The following RUFY1 variants were observed in gnomAD, a reference collection of about 807,000 sequenced individuals.
RUFY1 encodes the protein RUN and FYVE domain containing 1, also known as RUN and FYVE domain-containing protein 1.
RUFY1 carries 54 observed loss-of-function variants against 94.6 expected under a neutral mutation model. That is an observed-to-expected ratio of 0.57 (90% CI 0.46 to 0.72). The LOEUF is 0.72. RUFY1 is among the 30% of genes least tolerant of loss of function. RUFY1 has a pLI of 0.00. For synonymous variants in RUFY1, 396 were observed against 347.3 expected (o/e 1.14, Z -1.56); for missense variants, 883 against 883.9 (o/e 1.00, Z 0.01).
intron 13 of RUFY1, chr5:179,598,438 A>C (rs1765912755): frequency 2.0e-6 from 1 of 510,634 alleles, no homozygotes; most frequent in Non-Finnish European, 3.5e-6. Flanking sequence ...TATGTGGTCT[A>C]AGTGTTCTAG....
chr5:179,594,304 GAA>G (rs34687575), intron 11 of RUFY1, among the ~76,000 whole-genome samples: 33 of 142,806 alleles, frequency 2.3e-4, no homozygotes, highest in Admixed American at 4.2e-4. Context: ...CAACTCGGGG[GAA>G]AAAAAAAAAA....
Position 179,607,636 on chromosome 5 carries a change from G to A in RUFY1, c.1960G>A (p.Glu654Lys). The A allele has an allele frequency of 1.2e-6, 2 of 1,614,186 alleles. No homozygotes were observed. The highest frequency in any genetic ancestry group is 1.7e-6 in the Non-Finnish European group (2 of 1,180,006). ...GACACACTGTAGGCAGTGTGAGAAG[G>A]AGTTCTCCATTTCCCGGAGAAAGGT... ...EATHCRQCEK[E>K]FSISRRKHHC... is the part of the protein sequence containing the mutation. Residue 654 changes from glutamate (E) to lysine (K), a missense_variant, in exon 17 of 18, where the codon GAG becomes AAG. Transcript: ENST00000319449.
At chr5:179,556,527 G>A (rs35287854) in intron 1 of RUFY1, among the ~76,000 whole-genome samples, 13,922 of 151,214 alleles carry the variant, frequency 0.092, 825 homozygotes, top group Middle Eastern at 0.14. Context: ...TTTGAGAAGG[G>A]TCTCACTCTG....
chr5:179,607,421 A>T, intron 16 of RUFY1, 161 bp from the exon 17 acceptor site: 1 of 652,520 alleles, frequency 1.5e-6, no homozygotes, highest in Non-Finnish European at 2.7e-6. Flanking sequence ...ACGGGGAAAG[A>T]GCCCCTTGAT....
chr5:179,561,221 A>T (rs201380684), intron 2 of RUFY1, among the ~76,000 whole-genome samples: 28,766 of 143,452 alleles, frequency 0.2, 2,989 homozygotes, highest in South Asian at 0.34. Context: ...AAAAATAAAT[A>T]AATAAATAAA....
chr5:179,579,657 C>CTGTTTTTTTTTTTTTTTTT (rs1763939397), intron 6 of RUFY1, among the ~76,000 whole-genome samples: 1 of 50,548 alleles, frequency 2.0e-5, no homozygotes, highest in Admixed American at 3.8e-4. Flanking sequence ...TTTTCTTCTT[C>CTGTTTTTTTTTTTTTTTTT]TTTTTTTTTT....
intron 2 of RUFY1, among the ~76,000 whole-genome samples, chr5:179,561,282 C>T (rs1312616106): frequency 6.6e-6 from 1 of 151,896 alleles, no homozygotes; most frequent in African/African-American, 2.4e-5. Flanking sequence ...GACCAACCTT[C>T]CTCAGCTTGA....
At chr5:179,561,507 G>T (rs1762448561) in intron 2 of RUFY1, among the ~76,000 whole-genome samples, 1 of 151,592 alleles carries the variant, frequency 6.6e-6, no homozygotes, top group African/African-American at 2.4e-5. Context: ...AGAACAGATT[G>T]TAATGGTGGG....
Position 179,569,333 on chromosome 5 carries a change from G to C in RUFY1, c.736G>C (p.Glu246Gln). 3 of 1,613,842 alleles carry C rather than the reference G, an allele frequency of 1.9e-6. No homozygotes were observed. The highest frequency in any genetic ancestry group is 2.5e-6 in the Non-Finnish European group (3 of 1,180,018). ...CTATGAGCCTGAGGCTTTAATGATG[G>C]AGGAAGAAGGGATGGTGATTGTTGG... Reference protein sequence around the residue: ...EFYEPEALMMEEEGMVIVGLL... With the variant: ...EFYEPEALMMQEEGMVIVGLL... Residue 246 changes from glutamate (E) to glutamine (Q), a missense_variant, in exon 5 of 18, where the codon GAG becomes CAG. Transcript: ENST00000319449.
chr5:179,560,062 G>A lies in RUFY1; in HGVS notation c.348G>A (p.Leu116=), dbSNP rs1246859279. 3 of 1,613,926 alleles carry A rather than the reference G, an allele frequency of 1.9e-6. No homozygotes were observed. In the African/African-American group the frequency reaches 4.0e-5, roughly 22 times the overall value. ...AGATGATGGAGGAGCGTGCCAACCT[G>A]ATGCACATGATGAAACTCAGCATCA... The part of the protein sequence containing the change: ...KCQMMEERAN[L]MHMMKLSIKV... The change falls in exon 2 of 18, where the codon CTG becomes CTA. Residue 116 remains leucine, a synonymous_variant. Transcript: ENST00000319449.
chr5:179,559,588 G>A, intron 1 of RUFY1: 2 of 878,608 alleles, frequency 2.3e-6, no homozygotes, highest in African/African-American at 3.6e-5. Flanking sequence ...GAGGCCTTGA[G>A]CTGGACTCGC....
chr5:179,559,455 C>T (rs1762273430), intron 1 of RUFY1, among the ~76,000 whole-genome samples: 1 of 152,224 alleles, frequency 6.6e-6, no homozygotes, highest in African/African-American at 2.4e-5. Flanking sequence ...AGATGCTTCC[C>T]TGCAGGCACC....
At chr5:179,570,019 C>T (rs376721579) in intron 5 of RUFY1, among the ~76,000 whole-genome samples, 3 of 151,864 alleles carry the variant, frequency 2.0e-5, no homozygotes, top group African/African-American at 7.2e-5. Context: ...GCTGGGATTA[C>T]AGGCGTGAGC....
intron 7 of RUFY1, among the ~76,000 whole-genome samples, chr5:179,585,450 G>A (rs894378507): frequency 1.3e-5 from 2 of 152,116 alleles, no homozygotes; most frequent in African/African-American, 2.4e-5. Context: ...GCAGTGGCAC[G>A]CACCTGTAGT....
chr5:179,573,666 G>A (rs1763392504), intron 5 of RUFY1, among the ~76,000 whole-genome samples: 1 of 152,090 alleles, frequency 6.6e-6, no homozygotes, highest in Non-Finnish European at 1.5e-5. Flanking sequence ...GGGATTGCAG[G>A]TGCCTGCCAC....
chr5:179,570,293 A>T (rs962317561), intron 5 of RUFY1, among the ~76,000 whole-genome samples: 14 of 152,216 alleles, frequency 9.2e-5, no homozygotes, highest in Admixed American at 9.2e-4. Flanking sequence ...TCTAGCAGCC[A>T]TTCAGGTTAT....
At chr5:179,607,805 C>T in intron 17 of RUFY1, 146 bp downstream of exon 17, 1 of 698,710 alleles carries the variant, frequency 1.4e-6, no homozygotes, top group South Asian at 1.8e-5. Context: ...CCCGCCTCTC[C>T]TGTTTGCCTG....
intron 1 of RUFY1, among the ~76,000 whole-genome samples, chr5:179,559,274 C>G (rs1253687390): frequency 2.6e-5 from 4 of 152,210 alleles, no homozygotes; most frequent in African/African-American, 9.7e-5. Context: ...GTCTTTATTA[C>G]ACCCTCAAGG....
At chr5:179,563,217 CA>C (rs1762576823) in intron 3 of RUFY1, among the ~76,000 whole-genome samples, 6 of 152,156 alleles carry the variant, frequency 3.9e-5, no homozygotes. Flanking sequence ...CAGAGTTTCC[CA>C]GACGGGACTG....
Sources: allele counts gnomAD v4.1 joint callset (sites outside exome capture counted in the v4.1 genomes callset), GRCh38; gene constraint gnomAD v4.1.1; transcripts MANE v1.5; gene names NCBI Gene and HGNC (gene_info 2026-07-23, HGNC 2026-07-21).